The following KIAA1217 variants were observed in gnomAD, a reference collection of about 807,000 sequenced individuals.
The protein encoded by KIAA1217 is sickle tail protein homolog.
In KIAA1217, 88 loss-of-function variants were observed where a neutral mutation model predicts 163.9. That is an observed-to-expected ratio of 0.54 (90% CI 0.45 to 0.64). The LOEUF is 0.64. Ranked by LOEUF, KIAA1217 falls within the 30% of genes least tolerant of loss-of-function variation. The probability of loss-of-function intolerance (pLI) is 0.00; values close to 1 mark genes in which losing one functional copy is unlikely to be tolerated. For synonymous variants in KIAA1217, 903 were observed against 923.1 expected (o/e 0.98, Z 0.39); for missense variants, 2,372 against 2,475.0 (o/e 0.96, Z 0.88).
At chr10:24,501,578 T>C (rs1048874737) in intron 9 of KIAA1217, 33 bp downstream of exon 9, 2 of 1,597,218 alleles carry the variant, frequency 1.3e-6, no homozygotes, top group Non-Finnish European at 1.7e-6. Context: ...TCTGTCTCGG[T>C]TGCCCTGAGC....
rs67342339 is a variant in KIAA1217 at position 23,765,187 on chromosome 10, CTTTTTT to C, written c.-321+69973_-321+69978del. ...TCTTTTGTTTTCCCTTTTTTGTTCTCTTTTTTTTTTTTTTTTTTTTTTTTTGAGACG... is the reference window on the plus strand; with the variant it reads ...TCTTTTGTTTTCCCTTTTTTGTTCTCTTTTTTTTTTTTTTTTTTTGAGACG... On this transcript the variant is annotated intron_variant, in intron 1 of 18. Coordinates refer to the KIAA1217 transcript ENST00000376462. Among the ~76,000 whole-genome samples, 607 of 75,332 alleles carry C rather than the reference CTTTTTT, an allele frequency of 8.1e-3. 2 individuals carry two copies. The highest frequency in any genetic ancestry group is 0.034 in the African/African-American group (574 of 17,126). 49.4% of individuals were successfully genotyped at this position (75,332 alleles called of 152,430 possible).
intron 2 of KIAA1217, among the ~76,000 whole-genome samples, chr10:24,151,867 A>G (rs185835875): frequency 3.3e-5 from 5 of 152,242 alleles, no homozygotes; most frequent in African/African-American, 1.2e-4. Flanking sequence ...CCAAGATCAC[A>G]CAGCTGGTTA....
chr10:24,084,936 C>T (rs1197517080), intron 2 of KIAA1217, among the ~76,000 whole-genome samples: 17 of 122,588 alleles, frequency 1.4e-4, no homozygotes, highest in Non-Finnish European at 2.4e-4. Flanking sequence ...TTTTTTGAGA[C>T]GGAGTCTCGC....
Position 24,202,024 on chromosome 10 carries a change from G to A in KIAA1217, c.-170-17602G>A, listed in dbSNP as rs752478528. ...GCACGCAGGCAGGCGGCCCAGCCCC[G>A]GGTGCTGGGTGACCCCCTCAGCTCC... On this transcript the variant is annotated intron_variant, in intron 2 of 18. Coordinates refer to the KIAA1217 transcript ENST00000376462. Among the ~76,000 whole-genome samples, 27 of 152,284 alleles carry A rather than the reference G, an allele frequency of 1.8e-4. 1 individual carries two copies. Among genetic ancestry groups the A allele is most frequent in the East Asian group, 1.5e-3 (8 of 5,162 alleles).
intron 1 of KIAA1217, among the ~76,000 whole-genome samples, chr10:23,954,312 C>G (rs542909698): frequency 6.6e-6 from 1 of 152,118 alleles, no homozygotes; most frequent in Non-Finnish European, 1.5e-5. Flanking sequence ...TGCCTATAAT[C>G]TCAGCACTTT....
chr10:24,397,367 C>T (rs1035554318), intron 3 of KIAA1217, among the ~76,000 whole-genome samples: 1 of 152,090 alleles, frequency 6.6e-6, no homozygotes, highest in African/African-American at 2.4e-5. Flanking sequence ...GGATTACAGG[C>T]GTGAACCACT....
At chr10:24,408,222 G>T (rs757671850) in intron 3 of KIAA1217, among the ~76,000 whole-genome samples, 1 of 152,108 alleles carries the variant, frequency 6.6e-6, no homozygotes, top group Non-Finnish European at 1.5e-5. Flanking sequence ...GTGCAGTATA[G>T]TGCCTGAACC....
At chr10:24,139,966 T>C (rs1285651470) in intron 2 of KIAA1217, among the ~76,000 whole-genome samples, 1 of 152,110 alleles carries the variant, frequency 6.6e-6, no homozygotes. Flanking sequence ...ATTTTATGAA[T>C]AGATTTGTTC....
chr10:24,116,142 TG>T (rs1482508423), intron 2 of KIAA1217, among the ~76,000 whole-genome samples: 1 of 152,132 alleles, frequency 6.6e-6, no homozygotes, highest in East Asian at 1.9e-4. Flanking sequence ...CCTGGGATCT[TG>T]GGGGTTCTAC....
At chr10:23,746,678 C>T (rs1365200588) in intron 1 of KIAA1217, among the ~76,000 whole-genome samples, 3 of 152,100 alleles carry the variant, frequency 2.0e-5, no homozygotes, top group Non-Finnish European at 4.4e-5. Context: ...CCACCTCAGC[C>T]TCCCAAAGTG....
At chr10:23,895,460 T>C (rs1056473653) in intron 1 of KIAA1217, among the ~76,000 whole-genome samples, 2 of 152,098 alleles carry the variant, frequency 1.3e-5, no homozygotes, top group African/African-American at 4.8e-5. Flanking sequence ...CTCACACCAG[T>C]TAGAATGGCA....
chr10:23,821,897 C>T (rs564607703), intron 1 of KIAA1217, among the ~76,000 whole-genome samples: 1 of 152,270 alleles, frequency 6.6e-6, no homozygotes, highest in Non-Finnish European at 1.5e-5. Context: ...GTTGTCCAAA[C>T]CCTTGGGGCC....
At chr10:23,749,439 G>A (rs556769402) in intron 1 of KIAA1217, among the ~76,000 whole-genome samples, 2 of 151,860 alleles carry the variant, frequency 1.3e-5, no homozygotes, top group African/African-American at 4.8e-5. Flanking sequence ...TTGAGACAGA[G>A]TTTCTATCAC....
Position 23,898,304 on chromosome 10 carries a change from T to C in KIAA1217, c.-320-108921T>C, listed in dbSNP as rs574125048. Among the ~76,000 whole-genome samples, 242 of 149,314 alleles carry C rather than the reference T, an allele frequency of 1.6e-3. 2 individuals carry two copies. Among genetic ancestry groups the C allele is most frequent in the East Asian group, 0.011 (57 of 5,064 alleles). ...TTCTATATTTATAAGACTATATATA[T>C]ACACACACACACACACACACACATA... On this transcript the variant is annotated intron_variant, in intron 1 of 18. Transcript: ENST00000376462.
At chr10:24,336,710 C>T (rs1261358242) in intron 2 of KIAA1217, among the ~76,000 whole-genome samples, 2 of 152,152 alleles carry the variant, frequency 1.3e-5, no homozygotes, top group Non-Finnish European at 2.9e-5. Context: ...AGGGCAGACT[C>T]TATTATGAGC....
At chr10:24,343,597 C>T (rs1351533766) in intron 2 of KIAA1217, among the ~76,000 whole-genome samples, 1 of 152,160 alleles carries the variant, frequency 6.6e-6, no homozygotes, top group African/African-American at 2.4e-5. Context: ...TGCAATCAAC[C>T]TCAGAAATCT....
At chr10:23,889,385 C>T (rs1329507174) in intron 1 of KIAA1217, among the ~76,000 whole-genome samples, 1 of 151,788 alleles carries the variant, frequency 6.6e-6, no homozygotes, top group Non-Finnish European at 1.5e-5. Context: ...CTTGGATTTC[C>T]TGATCAGTCA....
At chr10:23,740,430 C>G (rs1445685079) in intron 1 of KIAA1217, among the ~76,000 whole-genome samples, 1 of 152,148 alleles carries the variant, frequency 6.6e-6, no homozygotes, top group Non-Finnish European at 1.5e-5. Flanking sequence ...GCAATCATGG[C>G]TCACTGCAGC....
intron 1 of KIAA1217, among the ~76,000 whole-genome samples, chr10:23,768,578 T>G (rs12354477): frequency 0.22 from 34,162 of 152,098 alleles, 4,158 homozygotes; most frequent in African/African-American, 0.3. Context: ...GGAACAAAGG[T>G]ATATTCGTGA....
Sources: allele counts gnomAD v4.1 joint callset (sites outside exome capture counted in the v4.1 genomes callset), GRCh38; gene constraint gnomAD v4.1.1; transcripts MANE v1.5; gene names NCBI Gene and HGNC (gene_info 2026-07-23, HGNC 2026-07-21).